Variants in USH2A observed in about 807,000 individuals in gnomAD.
USH2A encodes the protein Usher syndrome 2A (autosomal recessive, mild).
Under a neutral mutation model 538.9 loss-of-function variants are expected in USH2A, and 443 were observed. That is an observed-to-expected ratio of 0.82 (90% CI 0.76 to 0.89). The LOEUF is 0.89. USH2A is among the 40% of genes least tolerant of loss of function. The pLI, the probability that USH2A is intolerant of heterozygous loss-of-function variation, is 0.00. For missense variants in USH2A, 6,633 were observed against 6,324.8 expected, an observed-to-expected ratio of 1.05 and a Z score of -1.65; for synonymous variants, 2,413 against 2,273.5, an observed-to-expected ratio of 1.06 and a Z score of -1.75.
At chr1:216,053,915 G>A (rs900565693) in intron 30 of USH2A, among the ~76,000 whole-genome samples, 1 of 152,110 alleles carries the variant, frequency 6.6e-6, no homozygotes, top group Non-Finnish European at 1.5e-5. Flanking sequence ...TTTAAGGGAA[G>A]GAAACTCATC....
chr1:216,087,933 T>C (rs1348208984), intron 23 of USH2A, among the ~76,000 whole-genome samples: 1 of 152,122 alleles, frequency 6.6e-6, no homozygotes, highest in Non-Finnish European at 1.5e-5. Flanking sequence ...CGTCATATTA[T>C]GTCATTCTTC....
intron 32 of USH2A, among the ~76,000 whole-genome samples, chr1:216,008,707 C>T (rs981312865): frequency 6.6e-6 from 1 of 152,186 alleles, no homozygotes; most frequent in Non-Finnish European, 1.5e-5. Context: ...ATTGGGTAAG[C>T]AACCTCTTCT....
chr1:216,057,210 G>A (rs2031006542), intron 30 of USH2A, among the ~76,000 whole-genome samples: 1 of 152,016 alleles, frequency 6.6e-6, no homozygotes, highest in Admixed American at 6.6e-5. Flanking sequence ...ATGTATTCAG[G>A]AGAGTTAGAC....
rs1020480652 is a variant in USH2A, at chr1:216,231,021, T to C, written c.2993+932A>G. 2.0e-5 allele frequency among the ~76,000 whole-genome samples: 3 copies of C among 150,492 alleles called. No individual in the cohort carries two copies. The East Asian group carries it at 6.0e-4, about 30-fold the overall frequency. ...TACCCAGAGAATAAGAAGTAGAATA[T>C]TAAAGAGAGTGTAACTTTGAAAAAT... On this transcript the variant is annotated intron_variant, in intron 14 of 71. Transcript: ENST00000307340.
At chr1:215,912,323 T>C (rs1466245942) in intron 38 of USH2A, among the ~76,000 whole-genome samples, 3 of 151,922 alleles carry the variant, frequency 2.0e-5, no homozygotes, top group Admixed American at 2.0e-4. Context: ...AGTAACTTGA[T>C]AGTTTGAAGT....
intron 38 of USH2A, among the ~76,000 whole-genome samples, chr1:215,906,390 G>C (rs532192002): frequency 3.4e-4 from 51 of 152,026 alleles, no homozygotes; most frequent in Middle Eastern, 3.2e-3. Context: ...GGCTCAGAGA[G>C]AAGTTAAATA....
chr1:216,058,145 A>T (rs2031046836), intron 30 of USH2A, among the ~76,000 whole-genome samples: 1 of 127,304 alleles, frequency 7.9e-6, no homozygotes, highest in Admixed American at 7.4e-5. Flanking sequence ...GTCCATAAGG[A>T]TGACACAGCA....
chr1:215,807,749 T>C (rs1294855634), intron 49 of USH2A, among the ~76,000 whole-genome samples: 8 of 152,068 alleles, frequency 5.3e-5, no homozygotes, highest in Admixed American at 5.3e-4. Context: ...TTTTGGGAAC[T>C]GGCTATCCCT....
intron 4 of USH2A, among the ~76,000 whole-genome samples, chr1:216,360,456 T>C (rs2038470509): frequency 6.6e-6 from 1 of 152,074 alleles, no homozygotes; most frequent in Non-Finnish European, 1.5e-5. Flanking sequence ...GTGAAGCTAC[T>C]CTGTAGGATA....
chr1:216,251,180 G>T, intron 11 of USH2A, 82 bp from the exon 12 acceptor site: 1 of 1,413,304 alleles, frequency 7.1e-7, no homozygotes, highest in Non-Finnish European at 9.9e-7. Flanking sequence ...GACAGGGAGG[G>T]AGGGAGAAGA....
In USH2A at chr1:215,653,905, T is replaced by C. The variant is rs1657159671; in HGVS notation, c.14134-3104A>G. Among the ~76,000 whole-genome samples, 4 of 152,270 alleles carry C rather than the reference T, an allele frequency of 2.6e-5. No individual in the cohort carries two copies. The South Asian group carries it at 8.3e-4, about 32-fold the overall frequency. On this transcript the variant is annotated intron_variant, in intron 64 of 71. Transcript: ENST00000307340. ...GCAGCAGAGATCCCACATAGAAAAC[T>C]TTTTAGCAATATGTCCCGATCTTTT...
chr1:216,037,149 CGAAAA>C (rs2030022000), intron 32 of USH2A, among the ~76,000 whole-genome samples: 1 of 151,602 alleles, frequency 6.6e-6, no homozygotes. Flanking sequence ...GATTAGGAAA[CGAAAA>C]GAAGTCAGAA....
rs192523996 is a variant in USH2A at position 216,411,652 on chromosome 1, G to A, written c.651+6862C>T. Among the ~76,000 whole-genome samples the A allele has an allele frequency of 2.8e-3, 428 of 152,144 alleles. 4 individuals are homozygous for A. Among genetic ancestry groups the A allele is most frequent in the African/African-American group, 9.9e-3 (410 of 41,498 alleles). On this transcript the variant is annotated intron_variant, in intron 3 of 71. Transcript: ENST00000307340. ...CTGGGCACTCCTCTTTTCTTTTCTG[G>A]GTTCCCGGCCTTGCTGTGGGCAGAC...
chr1:216,046,703 A>G, intron 31 of USH2A, 111 bp from the exon 32 acceptor site: 1 of 1,287,726 alleles, frequency 7.8e-7, no homozygotes, highest in Admixed American at 1.9e-5. Context: ...ATGCATGGAA[A>G]TATTCCCGAT....
chr1:216,273,647 G>T (rs533521239), intron 11 of USH2A, among the ~76,000 whole-genome samples: 93 of 152,032 alleles, frequency 6.1e-4, no homozygotes, highest in African/African-American at 2.1e-3. Flanking sequence ...TTTGTTTGGT[G>T]ACTAGATGAA....
At chr1:216,163,070 C>A (rs1416761475) in intron 21 of USH2A, among the ~76,000 whole-genome samples, 1 of 151,866 alleles carries the variant, frequency 6.6e-6, no homozygotes, top group African/African-American at 2.4e-5. Context: ...CAACTCAGTT[C>A]ATTTGCTTTT....
intron 49 of USH2A, among the ~76,000 whole-genome samples, chr1:215,807,687 G>A (rs780274219): frequency 6.6e-6 from 1 of 151,998 alleles, no homozygotes; most frequent in Non-Finnish European, 1.5e-5. Flanking sequence ...GGATCAACAA[G>A]GATCCTTTGT....
chr1:216,307,058 T>C (rs2102631575), intron 9 of USH2A, among the ~76,000 whole-genome samples: 1 of 152,128 alleles, frequency 6.6e-6, no homozygotes, highest in East Asian at 1.9e-4. Context: ...GGCAGTAGCA[T>C]AGGGAGGATA....
At chr1:216,406,234 G>A (rs1021741503) in intron 3 of USH2A, among the ~76,000 whole-genome samples, 1 of 152,126 alleles carries the variant, frequency 6.6e-6, no homozygotes, top group Non-Finnish European at 1.5e-5. Context: ...CCATATCCTG[G>A]TCGTAATATT....
Sources: allele counts gnomAD v4.1 joint callset (sites outside exome capture counted in the v4.1 genomes callset), GRCh38; gene constraint gnomAD v4.1.1; transcripts MANE v1.5; gene names NCBI Gene and HGNC (gene_info 2026-07-23, HGNC 2026-07-21).